The following TRPV4 variants were observed in gnomAD, a reference collection of about 807,000 sequenced individuals.
TRPV4 encodes the protein OSM9-like transient receptor potential channel 4.
In TRPV4, 58 loss-of-function variants were observed where a neutral mutation model predicts 84.1. The ratio of observed to expected loss-of-function variants is 0.69; its 90% CI spans 0.56 to 0.86. The LOEUF (loss-of-function observed/expected upper bound fraction) is 0.86, where lower values mean the gene tolerates loss of function less well. Among genes scored for constraint, TRPV4 ranks in the 40% least tolerant of loss-of-function variants. The pLI, the probability that TRPV4 is intolerant of heterozygous loss-of-function variation, is 0.00. For synonymous variants in TRPV4, 489 were observed against 500.9 expected (o/e 0.98, Z 0.32); for missense variants, 879 against 1,181.1 (o/e 0.74, Z 3.75).
rs956958122 is a variant in TRPV4 at position 109,796,872 on chromosome 12, A to T, written c.1153-168T>A. The stretch of plus-strand genomic sequence containing the variant: ...CTCTTATTATCTTGGTTTACAGATA[A>T]AGAATGGAGGCTGGGAAAAACGAAG... On this transcript the variant is annotated intron_variant, in intron 6 of 15. Transcript: ENST00000261740. This position sits in a 1 kb window ranked among gnomAD's most constrained non-coding sequence, Gnocchi z 4.2. 6.6e-6 allele frequency among the ~76,000 whole-genome samples: 1 copy of T among 152,196 alleles called. No individual in the cohort carries two copies. Among genetic ancestry groups the T allele is most frequent in the African/African-American group, 2.4e-5 (1 of 41,450 alleles).
In TRPV4 at chr12:109,803,053, G is replaced by A. The variant is rs548909101; in HGVS notation, c.650C>T (p.Ala217Val). The change falls in exon 4 of 16, where the codon GCG (alanine) becomes GTG (valine). Residue 217 changes from alanine to valine, a missense_variant. This residue lies in a region of TRPV4 where 521 missense variants were observed against 686.6 expected (regional missense o/e 0.76). Coordinates refer to ENST00000261740, the MANE Select transcript of TRPV4 (RefSeq NM_021625.5). ...NDTIPVLLDIAERTGNMREFI... is the reference protein window; with the variant it reads ...NDTIPVLLDIVERTGNMREFI... Reference sequence around the variant, plus strand: ...CTCCCTCATGTTGCCGGTGCGCTCCGCGATGTCCAGCAGCACAGGGATGGT... The same window carrying A: ...CTCCCTCATGTTGCCGGTGCGCTCCACGATGTCCAGCAGCACAGGGATGGT... 15 of 1,614,190 alleles carry A rather than the reference G, an allele frequency of 9.3e-6. No homozygotes were observed. Among genetic ancestry groups the A allele is most frequent in the East Asian group, 6.7e-5 (3 of 44,884 alleles).
chr12:109,806,211 T>A (rs1040381597), intron 3 of TRPV4, among the ~76,000 whole-genome samples: 1 of 152,086 alleles, frequency 6.6e-6, no homozygotes, highest in Non-Finnish European at 1.5e-5. Flanking sequence ...CTTTTTTTTT[T>A]TGAGACAGAG....
rs1272331727 is a variant in TRPV4, at chr12:109,793,913, G to A, written c.1584+17C>T. 9.4e-6 allele frequency: 15 copies of A among 1,592,360 alleles called. No individual in the cohort carries two copies. Among genetic ancestry groups the A allele is most frequent in the South Asian group, 2.3e-5 (2 of 88,034 alleles). ...GGAGGGCAGGCAGGGTGGGGGGCAC[G>A]GGGGCCAGGCACTTACGTTGGTGAA... On this transcript the variant is annotated intron_variant, in intron 9 of 15. Coordinates refer to ENST00000261740, the MANE Select transcript of TRPV4 (RefSeq NM_021625.5). The surrounding 1 kb of genome is among the most constrained non-coding windows in gnomAD (Gnocchi z 4.0).
In TRPV4 at chr12:109,800,679, G is replaced by T. The variant is rs867185488; in HGVS notation, c.792C>A (p.Val264=). 11 of 1,614,172 alleles carry T rather than the reference G, an allele frequency of 6.8e-6. No individual in the cohort carries two copies. In the Middle Eastern group the frequency reaches 1.2e-3, roughly 169 times the overall value. The part of the protein sequence containing the change: ...VELLVAQGAD[V]HAQARGRFFQ... ...AGAAGCGCCCACGGGCCTGGGCGTG[G>T]ACATCAGCTCCCTGGGCCACGAGAA... The change falls in exon 5 of 16, where the codon GTC becomes GTA. Residue 264 remains valine (V), a synonymous_variant. Coordinates refer to ENST00000261740, the MANE Select transcript of TRPV4 (RefSeq NM_021625.5).
intron 1 of TRPV4, among the ~76,000 whole-genome samples, chr12:109,824,967 A>G (rs921327583): frequency 6.6e-6 from 1 of 152,030 alleles, no homozygotes; most frequent in Non-Finnish European, 1.5e-5. Flanking sequence ...GTAAAATGGG[A>G]GTAATAATTA....
rs1565856093 is a variant in TRPV4, at chr12:109,783,371, C to T, written c.*250G>A. 1 of 503,314 alleles carries T rather than the reference C, an allele frequency of 2.0e-6. No homozygotes were observed. The highest frequency in any genetic ancestry group is 3.3e-5 in the East Asian group (1 of 30,660). The allele number at this position is 503,314 out of a possible 1,614,324, so 31.2% of individuals were successfully genotyped here. On this transcript the variant is annotated 3_prime_UTR_variant, in exon 16 of 16. Transcript: ENST00000261740. The surrounding 1 kb of genome is among the most constrained non-coding windows in gnomAD (Gnocchi z 4.6). Reference sequence around the variant, plus strand: ...ATAATGGAGAGGCAGGGGCTGGGGCCTGAGGTGGAGGGGCTCTGGCGTTGG... The same window carrying T: ...ATAATGGAGAGGCAGGGGCTGGGGCTTGAGGTGGAGGGGCTCTGGCGTTGG...
At chr12:109,805,516 T>C (rs1891064725) in intron 3 of TRPV4, among the ~76,000 whole-genome samples, 1 of 152,066 alleles carries the variant, frequency 6.6e-6, no homozygotes, top group Admixed American at 6.6e-5. Flanking sequence ...GGGCTCTAAA[T>C]TGACAATTGC....
At chr12:109,802,804 G>A (rs1248634074) in intron 4 of TRPV4, among the ~76,000 whole-genome samples, 187 bp downstream of exon 4, 33 of 151,710 alleles carry the variant, frequency 2.2e-4, no homozygotes, top group Admixed American at 1.6e-3. Flanking sequence ...GGTAGTTACC[G>A]TTCCTTCATC....
chr12:109,796,022 A>G lies in TRPV4; in HGVS notation c.1332+503T>C, dbSNP rs1890376720. ...AATCCGCCCACCTTGGCTCCCCAAA[A>G]TGCTAGAATTACAGGCATAAGCCAC... On this transcript the variant is annotated intron_variant, in intron 7 of 15. Transcript: ENST00000261740. The surrounding 1 kb of genome is among the most constrained non-coding windows in gnomAD (Gnocchi z 4.2). Among the ~76,000 whole-genome samples the G allele has an allele frequency of 6.6e-6, 1 of 152,106 alleles. No individual in the cohort carries two copies. Among genetic ancestry groups the G allele is most frequent in the Admixed American group, 6.6e-5 (1 of 15,250 alleles).
chr12:109,811,414 T>C (rs888946556), intron 2 of TRPV4, among the ~76,000 whole-genome samples: 3 of 152,242 alleles, frequency 2.0e-5, no homozygotes, highest in Admixed American at 2.0e-4. Flanking sequence ...TCCCAGCATT[T>C]TGGGAGGCCG....
chr12:109,820,959 C>G (rs1342540469), intron 1 of TRPV4, among the ~76,000 whole-genome samples: 3 of 152,264 alleles, frequency 2.0e-5, no homozygotes, highest in Non-Finnish European at 4.4e-5. Flanking sequence ...ATCCCGGATT[C>G]AAAGGCGGTG....
At chr12:109,805,173 G>A (rs945224135) in intron 3 of TRPV4, among the ~76,000 whole-genome samples, 2 of 152,262 alleles carry the variant, frequency 1.3e-5, no homozygotes, top group Non-Finnish European at 2.9e-5. Context: ...GCAGGGTGAT[G>A]TCTGCTTTGC....
At chr12:109,794,228 G>A in intron 8 of TRPV4, 101 bp downstream of exon 8, 1 of 1,489,748 alleles carries the variant, frequency 6.7e-7, no homozygotes, top group Non-Finnish European at 9.2e-7. Context: ...ACCTTCTCCG[G>A]GTCCCCCTAC....
intron 13 of TRPV4, 134 bp downstream of exon 13, chr12:109,788,266 C>A: frequency 1.1e-6 from 1 of 895,144 alleles, no homozygotes; most frequent in Non-Finnish European, 1.7e-6. Context: ...GCCCATTTTA[C>A]CGACAGAGAA....
At chr12:109,801,031 G>A (rs1890752684) in intron 4 of TRPV4, among the ~76,000 whole-genome samples, 1 of 152,220 alleles carries the variant, frequency 6.6e-6, no homozygotes, top group African/African-American at 2.4e-5. Flanking sequence ...AAATCCTAGA[G>A]GAGGCCAGGC....
chr12:109,828,668 T>C (rs1242855492), intron 1 of TRPV4, among the ~76,000 whole-genome samples: 1 of 152,118 alleles, frequency 6.6e-6, no homozygotes, highest in African/African-American at 2.4e-5. Context: ...CCAAGGTGGG[T>C]GAGCCTAGCG....
chr12:109,803,230 G>C, intron 3 of TRPV4, 87 bp from the exon 4 acceptor site: 1 of 1,499,894 alleles, frequency 6.7e-7, no homozygotes. Flanking sequence ...ACTGGGTAGG[G>C]GGTCAGATGT....
chr12:109,799,018 C>T (rs1022233106), intron 5 of TRPV4, 106 bp from the exon 6 acceptor site: 29 of 1,097,794 alleles, frequency 2.6e-5, no homozygotes, highest in East Asian at 1.2e-4. Context: ...AGGATAATGA[C>T]GGAGACAGCA....
intron 1 of TRPV4, among the ~76,000 whole-genome samples, chr12:109,816,280 C>G (rs1208954345): frequency 2.0e-5 from 3 of 152,296 alleles, no homozygotes; most frequent in Middle Eastern, 3.4e-3. Flanking sequence ...AAGGGAGAGA[C>G]AGCCTGGCCT....
Sources: gnomAD v4.1 joint callset for allele counts (sites outside exome capture counted in the v4.1 genomes callset) on GRCh38, gnomAD v4.1.1 for gene constraint, gnomAD v4.1.1 regional missense constraint, Gnocchi (gnomAD v3.1) non-coding constraint, MANE v1.5 for transcripts, NCBI Gene and HGNC (gene_info 2026-07-23, HGNC 2026-07-21) for gene names.